CSMD2: variants seen among roughly 807,000 people sequenced by gnomAD.
CSMD2 encodes CUB and sushi domain-containing protein 2.
Under a neutral mutation model 398.5 loss-of-function variants are expected in CSMD2, and 130 were observed. The ratio of observed to expected loss-of-function variants is 0.33; its 90% CI spans 0.28 to 0.38. CSMD2 has a LOEUF of 0.38. CSMD2 is among the 10% of genes least tolerant of loss of function. The pLI, the probability that CSMD2 is intolerant of heterozygous loss-of-function variation, is 1.00. For synonymous variants in CSMD2, 1,828 were observed against 1,908.5 expected, an observed-to-expected ratio of 0.96 and a Z score of 1.10; for missense variants, 3,829 against 4,764.9, an observed-to-expected ratio of 0.80 and a Z score of 5.78.
intron 6 of CSMD2, among the ~76,000 whole-genome samples, chr1:33,829,747 T>C (rs1207068918): frequency 3.3e-5 from 5 of 152,182 alleles, no homozygotes; most frequent in African/African-American, 4.8e-5. Flanking sequence ...GGAGTTCCCT[T>C]TCATGGTCAA....
intron 41 of CSMD2, among the ~76,000 whole-genome samples, chr1:33,606,482 C>T (rs1365449985): frequency 6.6e-6 from 1 of 152,172 alleles, no homozygotes; most frequent in African/African-American, 2.4e-5. Flanking sequence ...GGCAGGTTTC[C>T]CTGGGAAATC....
Position 33,567,708 on chromosome 1 carries a change from G to C in CSMD2, c.8265C>G (p.Tyr2755Ter). Residue 2755 changes from tyrosine to a stop codon, truncating the protein, a stop_gained, in exon 53 of 71, where the codon TAC (tyrosine) becomes TAG (stop). Coordinates refer to ENST00000373381, the MANE Select transcript of CSMD2 (RefSeq NM_001281956.2). LOFTEE classifies it high-confidence loss of function. ...IVNGHINGENYSYRGSVVYQC... is the reference protein window; with the variant it reads ...IVNGHINGEN ...GGTACACCACACTGCCCCGGTAGCT[G>C]TAGTTCTCCCCATTGATGTGTCCGT... 1 of 1,614,170 alleles carries C rather than the reference G, an allele frequency of 6.2e-7. No individual in the cohort carries two copies. Among genetic ancestry groups the C allele is most frequent in the Non-Finnish European group, 8.5e-7 (1 of 1,180,030 alleles).
intron 2 of CSMD2, among the ~76,000 whole-genome samples, chr1:34,073,981 G>C (rs921933538): frequency 6.6e-5 from 10 of 152,202 alleles, no homozygotes; most frequent in Admixed American, 4.6e-4. Flanking sequence ...GCAAAAGCAG[G>C]AGCAACAGAG....
chr1:33,784,404 G>A (rs1320127671), intron 12 of CSMD2, among the ~76,000 whole-genome samples: 1 of 152,128 alleles, frequency 6.6e-6, no homozygotes, highest in Non-Finnish European at 1.5e-5. Flanking sequence ...GAGGGTGTGA[G>A]AATGATGGGC....
chr1:33,878,054 G>A (rs576660717), intron 5 of CSMD2: 8 of 152,224 alleles, frequency 5.3e-5, no homozygotes, highest in African/African-American at 1.7e-4. Flanking sequence ...CTCAGGGGCT[G>A]GAGTGACCAT....
chr1:33,609,499 G>A (rs1427670893), intron 41 of CSMD2, among the ~76,000 whole-genome samples: 2 of 152,150 alleles, frequency 1.3e-5, no homozygotes, highest in African/African-American at 4.8e-5. Flanking sequence ...CATATATCCA[G>A]GCCTGGAAAG....
chr1:34,079,852 G>A (rs539151485), intron 2 of CSMD2, among the ~76,000 whole-genome samples: 36 of 152,162 alleles, frequency 2.4e-4, no homozygotes, highest in Non-Finnish European at 4.6e-4. Context: ...CAGTAAGGAC[G>A]CTTAAAAGTA....
intron 55 of CSMD2, among the ~76,000 whole-genome samples, chr1:33,553,566 A>T (rs1657665810): frequency 6.6e-6 from 1 of 152,158 alleles, no homozygotes; most frequent in South Asian, 2.1e-4. Flanking sequence ...TGAAATGAAG[A>T]GTTGTGTCTC....
rs561072835 is a variant in CSMD2, at chr1:33,793,167, C to T, written c.1447-641G>A. Among the ~76,000 whole-genome samples, 355 of 152,266 alleles carry T rather than the reference C, an allele frequency of 2.3e-3. 2 individuals carry two copies. Among genetic ancestry groups the T allele is most frequent in the Middle Eastern group, 6.8e-3 (2 of 294 alleles). ...TAGAAATGCAAACTGATAACCACAG[C>T]ACTGGGGTGGGATGGATGCTACAGG... On this transcript the variant is annotated intron_variant, in intron 10 of 70. Transcript: ENST00000373381.
Position 33,519,867 on chromosome 1 carries a change from C to T in CSMD2, c.10681G>A (p.Val3561Met). The T allele has an allele frequency of 6.2e-7, 1 of 1,614,092 alleles. No individual in the cohort carries two copies. Among genetic ancestry groups the T allele is most frequent in the South Asian group, 1.1e-5 (1 of 91,074 alleles). Residue 3561 changes from valine to methionine, a missense_variant, in exon 69 of 71, where the codon GTG (valine) becomes ATG (methionine). Physicochemically the swap from Val to Met is conservative, Grantham distance 21 (BLOSUM62 1). This residue lies in a region of CSMD2 where 917 missense variants were observed against 1,199.5 expected (regional missense o/e 0.76). Transcript: ENST00000373381. The surrounding 1 kb of genome is among the most constrained non-coding windows in gnomAD (Gnocchi z 5.6). ...GCAATAATGAGGGCGATGAAAGGCA[C>T]CAGGATCGCGGCTGCCACTGAGCTG... ...NSSSVAAAILVPFIALIIAGF... is the reference protein window; with the variant it reads ...NSSSVAAAILMPFIALIIAGF...
intron 44 of CSMD2, among the ~76,000 whole-genome samples, chr1:33,589,294 C>T (rs931284603): frequency 3.9e-5 from 6 of 152,156 alleles, no homozygotes; most frequent in Admixed American, 6.5e-5. Flanking sequence ...TGCCATCATT[C>T]TTCTTTCACC....
intron 5 of CSMD2, among the ~76,000 whole-genome samples, chr1:33,878,561 C>A (rs1641012068): frequency 6.6e-6 from 1 of 152,240 alleles, no homozygotes; most frequent in Non-Finnish European, 1.5e-5. Context: ...CTGACAGTGG[C>A]AGCAAGGGCT....
At chr1:34,153,041 G>C (rs1373721141) in intron 1 of CSMD2, among the ~76,000 whole-genome samples, 5 of 152,088 alleles carry the variant, frequency 3.3e-5, no homozygotes, top group African/African-American at 4.8e-5. Flanking sequence ...TTTGGAGACA[G>C]ACTCTCGCTC....
chr1:34,025,955 G>GAACTA (rs1649594498), intron 3 of CSMD2, among the ~76,000 whole-genome samples: 1 of 152,290 alleles, frequency 6.6e-6, no homozygotes, highest in South Asian at 2.1e-4. Context: ...CTGGGATTGT[G>GAACTA]AACTATGAAG....
intron 22 of CSMD2, among the ~76,000 whole-genome samples, chr1:33,705,391 T>C (rs1645741658): frequency 6.6e-6 from 1 of 152,204 alleles, no homozygotes; most frequent in African/African-American, 2.4e-5. Flanking sequence ...TTCTATACTT[T>C]GACCATTATC....
chr1:34,110,184 T>C (rs1660931872), intron 1 of CSMD2, among the ~76,000 whole-genome samples: 1 of 150,668 alleles, frequency 6.6e-6, no homozygotes, highest in Non-Finnish European at 1.5e-5. Flanking sequence ...TATTAAAAAG[T>C]AAAAAAATAA....
At position 33,624,891 on chromosome 1, in the gene CSMD2, C is replaced by G. The variant is rs899980678; in HGVS notation, c.5500+160G>C. On this transcript the variant is annotated intron_variant, in intron 34 of 70. Transcript: ENST00000373381. The surrounding 1 kb of genome is among the most constrained non-coding windows in gnomAD (Gnocchi z 4.7). Reference sequence around the variant, plus strand: ...CCGGCTGTCTTCACACAGCCCACAGCGCCGGGGACTGGGGTTGACTGGGAC... The same window carrying G: ...CCGGCTGTCTTCACACAGCCCACAGGGCCGGGGACTGGGGTTGACTGGGAC... Among the ~76,000 whole-genome samples the G allele has an allele frequency of 6.6e-6, 1 of 152,184 alleles. No individual in the cohort carries two copies. The highest frequency in any genetic ancestry group is 2.1e-4 in the South Asian group (1 of 4,828).
intron 27 of CSMD2, among the ~76,000 whole-genome samples, chr1:33,656,001 A>G (rs947777345): frequency 3.3e-4 from 50 of 152,304 alleles, no homozygotes; most frequent in African/African-American, 1.2e-3. Context: ...ACAGCCTTGC[A>G]GAAGGCTGAA....
Position 33,540,514 on chromosome 1 carries a change from A to G in CSMD2, c.9631+11T>C. ...AAGAGGATGCACCAAAGGCCCTTGT[A>G]AGCAACTTACGGAAACACTGAGGCA... On this transcript the variant is annotated intron_variant, in intron 60 of 70. Transcript: ENST00000373381. The G allele has an allele frequency of 1.2e-6, 2 of 1,613,958 alleles. No individual in the cohort carries two copies. The highest frequency in any genetic ancestry group is 1.7e-6 in the Non-Finnish European group (2 of 1,179,904).
Sources: allele counts gnomAD v4.1 joint callset (sites outside exome capture counted in the v4.1 genomes callset), GRCh38; gene constraint gnomAD v4.1.1; regional missense constraint gnomAD v4.1.1; non-coding constraint Gnocchi (gnomAD v3.1); transcripts MANE v1.5; gene names NCBI Gene and HGNC (gene_info 2026-07-23, HGNC 2026-07-21).